TCAIM: variants seen among roughly 807,000 people sequenced by gnomAD.
TCAIM encodes the protein T cell activation inhibitor, mitochondrial, also known as T-cell activation inhibitor, mitochondrial.
TCAIM carries 36 observed loss-of-function variants against 58.6 expected under a neutral mutation model. The observed-to-expected ratio is 0.61, with a 90% CI of 0.47 to 0.81. TCAIM has a LOEUF of 0.81. TCAIM is among the 30% of genes least tolerant of loss of function. The pLI, the probability that TCAIM is intolerant of heterozygous loss-of-function variation, is 0.00. For missense variants in TCAIM, 466 were observed against 579.6 expected, an observed-to-expected ratio of 0.80 and a Z score of 2.01; for synonymous variants, 172 against 193.6, an observed-to-expected ratio of 0.89 and a Z score of 0.93.
chr3:44,349,195 G>A (rs1199690722), intron 1 of TCAIM, among the ~76,000 whole-genome samples: 1 of 152,036 alleles, frequency 6.6e-6, no homozygotes, highest in African/African-American at 2.4e-5. Context: ...AGAAAGATTT[G>A]GGATGAGTCA....
intron 5 of TCAIM, among the ~76,000 whole-genome samples, chr3:44,374,259 A>T (rs1243595024): frequency 6.7e-6 from 1 of 150,102 alleles, no homozygotes; most frequent in Non-Finnish European, 1.5e-5. Flanking sequence ...GTGACTCAGG[A>T]CTAGCAAAGT....
chr3:44,403,044 G>A (rs541695953), intron 10 of TCAIM, among the ~76,000 whole-genome samples: 5 of 152,236 alleles, frequency 3.3e-5, no homozygotes, highest in African/African-American at 1.2e-4. Context: ...CGAGGTGGGC[G>A]GATCACTTGA....
At chr3:44,355,220 T>G (rs1163723818) in intron 2 of TCAIM, among the ~76,000 whole-genome samples, 4 of 147,162 alleles carry the variant, frequency 2.7e-5, no homozygotes, top group Non-Finnish European at 6.0e-5. Context: ...ATGGCAGGTG[T>G]GCAGTAATTG....
chr3:44,390,771 A>C, intron 5 of TCAIM, among the ~76,000 whole-genome samples: 1 of 152,216 alleles, frequency 6.6e-6, no homozygotes, highest in East Asian at 1.9e-4. Flanking sequence ...AGAAGTTTGG[A>C]GCCAGCCTTG....
intron 5 of TCAIM, among the ~76,000 whole-genome samples, chr3:44,375,783 A>G (rs917613460): frequency 6.6e-6 from 1 of 152,240 alleles, no homozygotes; most frequent in African/African-American, 2.4e-5. Context: ...CAGTTTGGCA[A>G]TACTACAAAA....
intron 1 of TCAIM, among the ~76,000 whole-genome samples, chr3:44,342,397 A>T (rs983824392): frequency 3.9e-5 from 6 of 152,202 alleles, no homozygotes; most frequent in African/African-American, 1.4e-4. Context: ...ACACCACTCA[A>T]AACTGAACAA....
intron 1 of TCAIM, among the ~76,000 whole-genome samples, chr3:44,342,022 C>T (rs1700864273): frequency 6.6e-6 from 1 of 152,172 alleles, no homozygotes; most frequent in East Asian, 1.9e-4. Context: ...CAGTGAGCAT[C>T]AGATACAGAC....
intron 5 of TCAIM, among the ~76,000 whole-genome samples, chr3:44,387,649 G>T (rs1179022623): frequency 1.3e-5 from 2 of 152,238 alleles, no homozygotes; most frequent in Non-Finnish European, 2.9e-5. Flanking sequence ...CACACCCCTT[G>T]CCACTCTGTG....
At chr3:44,351,594 A>G (rs1027565274) in intron 1 of TCAIM, among the ~76,000 whole-genome samples, 1 of 152,050 alleles carries the variant, frequency 6.6e-6, no homozygotes, top group Non-Finnish European at 1.5e-5. Flanking sequence ...TCCCGGGTTC[A>G]AGTGATTCTG....
intron 9 of TCAIM, 54 bp from the exon 10 acceptor site, chr3:44,401,149 G>T (rs187499942): frequency 1.3e-6 from 2 of 1,586,998 alleles, no homozygotes; most frequent in Non-Finnish European, 1.7e-6. Context: ...ATTTTCTCTG[G>T]TGGGGGAGAG....
intron 6 of TCAIM, 31 bp downstream of exon 6, chr3:44,393,008 A>G: frequency 1.3e-6 from 2 of 1,580,952 alleles, no homozygotes; most frequent in East Asian, 2.2e-5. Flanking sequence ...TAATTTAGAA[A>G]TTGAAATGAA....
intron 5 of TCAIM, among the ~76,000 whole-genome samples, chr3:44,391,586 T>C (rs1411066685): frequency 1.3e-5 from 2 of 152,140 alleles, no homozygotes; most frequent in Non-Finnish European, 1.5e-5. Flanking sequence ...GAGCTTATTA[T>C]AGAGTTGATA....
chr3:44,367,561 A>G lies in TCAIM; in HGVS notation c.425A>G (p.Asn142Ser), dbSNP rs1701399420. ...SLSVEHIQSLNTNMHTQPLKE... is the reference protein window; with the variant it reads ...SLSVEHIQSLSTNMHTQPLKE... ...TCTGTTGAACATATCCAAAGCTTGA[A>G]TACTAATATGCATACCCAGCCTCTC... The change falls in exon 5 of 11, where the codon AAT (asparagine) becomes AGT (serine). Residue 142 changes from asparagine (N) to serine (S), a missense_variant. Transcript: ENST00000342649. The G allele has an allele frequency of 5.6e-6, 9 of 1,614,022 alleles. No individual in the cohort carries two copies. The highest frequency in any genetic ancestry group is 7.6e-6 in the Non-Finnish European group (9 of 1,180,028).
intron 1 of TCAIM, among the ~76,000 whole-genome samples, chr3:44,347,414 G>A (rs1408819464): frequency 1.3e-5 from 2 of 152,214 alleles, no homozygotes; most frequent in African/African-American, 4.8e-5. Flanking sequence ...GTACAGCCCA[G>A]GTAAGTTGCT....
chr3:44,344,023 C>CTT lies in TCAIM; in HGVS notation c.-45+5206_-45+5207dup, dbSNP rs5848695. Among the ~76,000 whole-genome samples the CTT allele has an allele frequency of 3.0e-3, 354 of 118,328 alleles. 5 individuals carry two copies. The highest frequency in any genetic ancestry group is 3.6e-3 in the African/African-American group (115 of 32,078). 77.6% of individuals were successfully genotyped at this position (118,328 alleles called of 152,430 possible). On this transcript the variant is annotated intron_variant, in intron 1 of 10. Transcript: ENST00000342649. Reference sequence around the variant, plus strand: ...GCTTTGATTATTTTTGATGGAAATGCTTTTTTTTTTTTTTTTTTGAGAGAG... The same window carrying CTT: ...GCTTTGATTATTTTTGATGGAAATGCTTTTTTTTTTTTTTTTTTTTGAGAGAG...
intron 2 of TCAIM, 45 bp downstream of exon 2, chr3:44,354,856 A>T: frequency 6.3e-7 from 1 of 1,577,744 alleles, no homozygotes; most frequent in African/African-American, 1.4e-5. Context: ...TGGCGGGGGG[A>T]GGTCTGTTAT....
At chr3:44,387,482 C>T (rs1341594164) in intron 5 of TCAIM, among the ~76,000 whole-genome samples, 2 of 152,224 alleles carry the variant, frequency 1.3e-5, no homozygotes, top group African/African-American at 4.8e-5. Context: ...TTCCAAGCTT[C>T]CAGGAACCAC....
At chr3:44,338,455 G>GA (rs1260575768), upstream of TCAIM, 1 of 152,306 alleles carries the variant, frequency 6.6e-6, no homozygotes, top group African/African-American at 2.4e-5. Flanking sequence ...GCCGTAGGGG[G>GA]AAGGCCTGGC....
chr3:44,400,895 A>C, intron 9 of TCAIM: 2 of 485,270 alleles, frequency 4.1e-6, no homozygotes, highest in Non-Finnish European at 7.4e-6. Context: ...TGGTGTATAC[A>C]CTGTTTGCCG....
Sources: gnomAD v4.1 joint callset for allele counts (sites outside exome capture counted in the v4.1 genomes callset) on GRCh38, gnomAD v4.1.1 for gene constraint, MANE v1.5 for transcripts, NCBI Gene and HGNC (gene_info 2026-07-23, HGNC 2026-07-21) for gene names.